KIF3A: variants seen among roughly 807,000 people sequenced by gnomAD.
The protein encoded by KIF3A is kinesin family member 3A.
KIF3A carries 27 observed loss-of-function variants against 92.6 expected under a neutral mutation model. That is an observed-to-expected ratio of 0.29 (90% CI 0.21 to 0.40). KIF3A has a LOEUF of 0.40. Ranked by LOEUF, KIF3A falls within the 10% of genes least tolerant of loss-of-function variation. KIF3A has a pLI of 1.00. For missense variants in KIF3A, 581 were observed against 872.6 expected (o/e 0.67, Z 4.21); for synonymous variants, 250 against 275.4 (o/e 0.91, Z 0.92).
chr5:132,729,919 A>G (rs559328582), intron 2 of KIF3A, among the ~76,000 whole-genome samples: 4 of 152,122 alleles, frequency 2.6e-5, no homozygotes, highest in Non-Finnish European at 2.9e-5. Context: ...GGAAACATAA[A>G]AACAGAAAGA....
chr5:132,728,870 A>T (rs1033833820), intron 2 of KIF3A, among the ~76,000 whole-genome samples: 9 of 152,078 alleles, frequency 5.9e-5, no homozygotes, highest in Non-Finnish European at 1.0e-4. Flanking sequence ...CCAGGAGTTC[A>T]AGACCAGCTA....
intron 1 of KIF3A, among the ~76,000 whole-genome samples, chr5:132,736,253 G>C (rs1754385173): frequency 6.6e-6 from 1 of 152,300 alleles, no homozygotes; most frequent in South Asian, 2.1e-4. Flanking sequence ...TATTTAAAGA[G>C]CTTTTGAATT....
rs779349139 is a variant in KIF3A at position 132,703,594 on chromosome 5, C to G, written c.1335G>C (p.Lys445Asn). 2 of 1,610,990 alleles carry G rather than the reference C, an allele frequency of 1.2e-6. No homozygotes were observed. The highest frequency in any genetic ancestry group is 2.2e-5 in the South Asian group (2 of 90,712). Reference protein sequence around the residue: ...QAGKKKVSPDKMIEMQAKIDE... With the variant: ...QAGKKKVSPDNMIEMQAKIDE... ...CAATTTTTGCTTGCATTTCAATCAT[C>G]TTGTCTGGGGAGACTTTCTTTTTTC... The change falls in exon 12 of 19, where the codon AAG becomes AAC. Residue 445 changes from lysine to asparagine, a missense_variant. Around this residue, in one of 5 missense-constraint regions of KIF3A, gnomAD observed 167 missense variants for 205.8 expected, o/e 0.81. Coordinates refer to ENST00000403231, the MANE Select transcript of KIF3A (RefSeq NM_001300791.2).
intron 18 of KIF3A, 125 bp from the exon 19 acceptor site, chr5:132,696,807 G>T (rs1460469175): frequency 3.0e-6 from 2 of 662,282 alleles, no homozygotes; most frequent in Non-Finnish European, 5.4e-6. Context: ...AATTTGACAC[G>T]TTTGACCATG....
intron 8 of KIF3A, among the ~76,000 whole-genome samples, chr5:132,714,380 GA>G (rs1239526266): frequency 6.6e-6 from 1 of 152,186 alleles, no homozygotes; most frequent in Non-Finnish European, 1.5e-5. Flanking sequence ...TAATGCCACA[GA>G]AATGTAGACT....
intron 5 of KIF3A, among the ~76,000 whole-genome samples, chr5:132,719,772 G>C (rs758373204): frequency 5.3e-5 from 8 of 151,882 alleles, no homozygotes; most frequent in Non-Finnish European, 1.2e-4. Flanking sequence ...GTGAGCCACC[G>C]CGACCAGACT....
intron 2 of KIF3A, among the ~76,000 whole-genome samples, chr5:132,730,821 A>G (rs531159584): frequency 6.6e-6 from 1 of 150,838 alleles, no homozygotes; most frequent in East Asian, 2.0e-4. Flanking sequence ...AATAGAAAAA[A>G]TTAGCCAGGC....
intron 5 of KIF3A, 137 bp downstream of exon 5, chr5:132,720,472 T>C: frequency 5.2e-6 from 3 of 579,524 alleles, no homozygotes; most frequent in East Asian, 5.7e-5. Context: ...CTCTACATGG[T>C]AAATAATCAA....
intron 5 of KIF3A, 151 bp downstream of exon 5, chr5:132,720,458 T>C (rs1449172342): frequency 7.4e-6 from 4 of 543,252 alleles, no homozygotes; most frequent in East Asian, 3.0e-5. Context: ...CATTCATCTA[T>C]GCTCTCTACA....
rs1753055577 is a variant in KIF3A at position 132,702,062 on chromosome 5, C to G, written c.1884+25G>C. On this transcript the variant is annotated intron_variant, in intron 15 of 18. Transcript: ENST00000403231. ...TCCTTAATCCCAGTCAAGCGACTAT[C>G]TCGGTCAGAGAACTTCCTTTTTACC... 5.0e-6 allele frequency: 8 copies of G among 1,596,336 alleles called. No individual in the cohort carries two copies. In the East Asian group the frequency reaches 1.6e-4, roughly 31 times the overall value.
chr5:132,698,195 T>C (rs1445945863), intron 18 of KIF3A, among the ~76,000 whole-genome samples: 1 of 152,138 alleles, frequency 6.6e-6, no homozygotes, highest in East Asian at 1.9e-4. Flanking sequence ...TCATCCCACA[T>C]GTAACTTGAA....
Position 132,730,657 on chromosome 5 carries a change from C to T in KIF3A, c.280+3548G>A, listed in dbSNP as rs148257270. On this transcript the variant is annotated intron_variant, in intron 2 of 18. Transcript: ENST00000403231. ...AAATTAAAATTAGCTGGGCATGGTG[C>T]GGTGGCACACACATATAGTCCCACC... Among the ~76,000 whole-genome samples, 24 of 151,564 alleles carry T rather than the reference C, an allele frequency of 1.6e-4. No homozygotes were observed. In the Middle Eastern group the frequency reaches 0.017, roughly 108 times the overall value.
At chr5:132,737,337 T>TGGCAACGGCCGCGCCC in intron 1 of KIF3A, 77 bp downstream of exon 1, 2 of 1,523,404 alleles carry the variant, frequency 1.3e-6, no homozygotes, top group Non-Finnish European at 1.8e-6. Context: ...GCTCCGCGCC[T>TGGCAACGGCCGCGCCC]CCATGGCAAC....
chr5:132,734,058 G>A (rs779502381), intron 2 of KIF3A, 147 bp downstream of exon 2: 7 of 660,176 alleles, frequency 1.1e-5, no homozygotes, highest in Admixed American at 1.0e-4. Flanking sequence ...GGATGACAAG[G>A]GTGTTCTAAA....
chr5:132,705,618 T>G (rs1327102236), intron 11 of KIF3A, among the ~76,000 whole-genome samples: 3 of 152,022 alleles, frequency 2.0e-5, no homozygotes, highest in Non-Finnish European at 4.4e-5. Flanking sequence ...AACTGATACT[T>G]TAGCAGCAAA....
chr5:132,690,155 G>A (rs966866596), downstream of KIF3A, among the ~76,000 whole-genome samples: 48 of 152,340 alleles, frequency 3.2e-4, no homozygotes, highest in African/African-American at 1.1e-3. Flanking sequence ...GGCAGAGGTT[G>A]CAGTGAGCTG....
intron 8 of KIF3A, among the ~76,000 whole-genome samples, chr5:132,711,773 GAC>G (rs1353971901): frequency 6.6e-6 from 1 of 152,028 alleles, no homozygotes; most frequent in Non-Finnish European, 1.5e-5. Context: ...ATTTTTAAGA[GAC>G]ACAGAACTGT....
intron 8 of KIF3A, among the ~76,000 whole-genome samples, chr5:132,711,298 T>G (rs1376272937): frequency 6.6e-6 from 1 of 152,100 alleles, no homozygotes; most frequent in Non-Finnish European, 1.5e-5. Context: ...ACTTAAAATT[T>G]CAAACCATTC....
chr5:132,697,699 C>G (rs1246187063), intron 18 of KIF3A: 1 of 152,054 alleles, frequency 6.6e-6, no homozygotes, highest in East Asian at 1.9e-4. Context: ...GCCAGTAATC[C>G]CAGCTACTCA....
Sources: gnomAD v4.1 joint callset for allele counts (sites outside exome capture counted in the v4.1 genomes callset) on GRCh38, gnomAD v4.1.1 for gene constraint, gnomAD v4.1.1 regional missense constraint, MANE v1.5 for transcripts, NCBI Gene and HGNC (gene_info 2026-07-23, HGNC 2026-07-21) for gene names.